The following PPM1H variants were observed in gnomAD, a reference collection of about 807,000 sequenced individuals.
The protein encoded by PPM1H is protein phosphatase, Mg2+/Mn2+ dependent 1H.
A neutral mutation model predicts 54.9 loss-of-function variants in PPM1H; 27 were observed. The ratio of observed to expected loss-of-function variants is 0.49; its 90% CI spans 0.36 to 0.68. The LOEUF (loss-of-function observed/expected upper bound fraction) is 0.68, where lower values mean the gene tolerates loss of function less well. Ranked by LOEUF, PPM1H falls within the 30% of genes least tolerant of loss-of-function variation. PPM1H has a pLI of 0.00. For synonymous variants in PPM1H, 305 were observed against 270.8 expected (o/e 1.13, Z -1.24); for missense variants, 596 against 667.8 (o/e 0.89, Z 1.19).
chr12:62,831,470 G>A (rs1868355876), intron 2 of PPM1H, among the ~76,000 whole-genome samples: 3 of 152,034 alleles, frequency 2.0e-5, no homozygotes, highest in Admixed American at 2.0e-4. Context: ...CAGTCTGCAA[G>A]GCCACCCCAT....
chr12:62,888,450 G>A (rs576242303), intron 1 of PPM1H, among the ~76,000 whole-genome samples: 10 of 152,184 alleles, frequency 6.6e-5, no homozygotes, highest in South Asian at 2.1e-4. Flanking sequence ...GACTGGAACC[G>A]AGAAACAAGC....
At chr12:62,665,314 G>T (rs2075911680) in intron 9 of PPM1H, among the ~76,000 whole-genome samples, 1 of 152,186 alleles carries the variant, frequency 6.6e-6, no homozygotes. Flanking sequence ...CTCCCAAAGT[G>T]CTGGGATTAC....
At chr12:62,688,475 ATACTATCGGT>A (rs1304291614) in intron 8 of PPM1H, among the ~76,000 whole-genome samples, 1 of 152,246 alleles carries the variant, frequency 6.6e-6, no homozygotes, top group Non-Finnish European at 1.5e-5. Context: ...CACCAACCTA[ATACTATCGGT>A]TAGACTTTTC....
At chr12:62,922,949 G>A (rs181969593) in intron 1 of PPM1H, among the ~76,000 whole-genome samples, 1 of 152,196 alleles carries the variant, frequency 6.6e-6, no homozygotes, top group African/African-American at 2.4e-5. Flanking sequence ...TTAATTAAAT[G>A]GGAGCATAGC....
chr12:62,693,509 T>C (rs2076094980), intron 7 of PPM1H, among the ~76,000 whole-genome samples: 1 of 152,190 alleles, frequency 6.6e-6, no homozygotes, highest in Non-Finnish European at 1.5e-5. Context: ...TGCCCCTCGC[T>C]TGGCTGCGTG....
intron 5 of PPM1H, among the ~76,000 whole-genome samples, chr12:62,730,569 A>G (rs893826637): frequency 3.3e-5 from 5 of 152,230 alleles, no homozygotes; most frequent in Admixed American, 1.3e-4. Context: ...AAACTTATAC[A>G]TTAATTAATT....
intron 1 of PPM1H, among the ~76,000 whole-genome samples, chr12:62,865,436 G>A (rs551784599): frequency 3.3e-5 from 5 of 152,248 alleles, no homozygotes; most frequent in African/African-American, 1.2e-4. Context: ...TCAGCTCCTA[G>A]TTTTGACCTC....
chr12:62,791,124 T>A (rs2076699047), intron 3 of PPM1H, among the ~76,000 whole-genome samples: 2 of 152,162 alleles, frequency 1.3e-5, no homozygotes, highest in Non-Finnish European at 2.9e-5. Flanking sequence ...TGCCTTAATA[T>A]GAAAAATGGA....
chr12:62,662,890 G>T (rs1332073730), intron 9 of PPM1H, among the ~76,000 whole-genome samples: 3 of 151,958 alleles, frequency 2.0e-5, no homozygotes, highest in Non-Finnish European at 4.4e-5. Flanking sequence ...TTGAATTTTG[G>T]GCCAATTTTC....
At chr12:62,802,537 C>T (rs1213806809) in intron 2 of PPM1H, among the ~76,000 whole-genome samples, 1 of 151,144 alleles carries the variant, frequency 6.6e-6, no homozygotes, top group Non-Finnish European at 1.5e-5. Context: ...CTGTACGAGT[C>T]CAGCTTGAAC....
intron 9 of PPM1H, among the ~76,000 whole-genome samples, chr12:62,649,922 A>G (rs1422269435): frequency 6.6e-6 from 1 of 152,198 alleles, no homozygotes; most frequent in African/African-American, 2.4e-5. Flanking sequence ...TAAATCATCA[A>G]GATAATAAAT....
intron 5 of PPM1H, among the ~76,000 whole-genome samples, chr12:62,732,523 A>G (rs954059073): frequency 6.6e-6 from 1 of 151,998 alleles, no homozygotes; most frequent in Non-Finnish European, 1.5e-5. Flanking sequence ...GGGACTGCAG[A>G]CATCTGCTCA....
intron 6 of PPM1H, among the ~76,000 whole-genome samples, chr12:62,701,601 C>G (rs17733673): frequency 0.074 from 11,199 of 152,224 alleles, 517 homozygotes; most frequent in Non-Finnish European, 0.11. Context: ...ATGATGAGGC[C>G]CTCCATGATC....
Position 62,648,296 on chromosome 12 carries a change from T to C in PPM1H, c.*193A>G, listed in dbSNP as rs1214144508. On this transcript the variant is annotated 3_prime_UTR_variant, in exon 10 of 10. Coordinates refer to ENST00000228705, the MANE Select transcript of PPM1H (RefSeq NM_020700.2). Reference sequence around the variant, plus strand: ...GCCTTTGTGTTTTGCTCTTGTTGAGTTGACCTGTTACTAAAGAAGAAATGG... The same window carrying C: ...GCCTTTGTGTTTTGCTCTTGTTGAGCTGACCTGTTACTAAAGAAGAAATGG... The C allele has an allele frequency of 1.3e-5, 8 of 629,912 alleles. No individual in the cohort carries two copies. Among genetic ancestry groups the C allele is most frequent in the South Asian group, 2.3e-5 (1 of 44,432 alleles). The allele number at this position is 629,912 out of a possible 1,614,324, so 39.0% of individuals were successfully genotyped here.
chr12:62,700,835 T>C (rs1031762141), intron 6 of PPM1H, among the ~76,000 whole-genome samples: 2 of 152,226 alleles, frequency 1.3e-5, no homozygotes, highest in Non-Finnish European at 2.9e-5. Flanking sequence ...GGTTTTCTAT[T>C]GCGATCTAAA....
chr12:62,785,847 C>T (rs895405977), intron 4 of PPM1H, among the ~76,000 whole-genome samples: 82 of 134,772 alleles, frequency 6.1e-4, no homozygotes, highest in African/African-American at 1.7e-3. Context: ...AAGGAAACTA[C>T]GTTTAAAAAT....
intron 2 of PPM1H, 82 bp from the exon 3 acceptor site, chr12:62,802,242 G>C: frequency 8.9e-7 from 1 of 1,128,828 alleles, no homozygotes; most frequent in African/African-American, 1.6e-5. Flanking sequence ...ACATCTATGG[G>C]ACTGAGGGTC....
At chr12:62,816,713 A>C (rs975296536) in intron 2 of PPM1H, among the ~76,000 whole-genome samples, 1 of 151,980 alleles carries the variant, frequency 6.6e-6, no homozygotes, top group Non-Finnish European at 1.5e-5. Context: ...ACGAGTGCTG[A>C]GTATTATTTA....
At chr12:62,891,307 T>A (rs1870789375) in intron 1 of PPM1H, among the ~76,000 whole-genome samples, 1 of 152,108 alleles carries the variant, frequency 6.6e-6, no homozygotes, top group Admixed American at 6.5e-5. Flanking sequence ...CCTGGTACAT[T>A]TATCCAGTCT....
Sources: allele counts gnomAD v4.1 joint callset (sites outside exome capture counted in the v4.1 genomes callset), GRCh38; gene constraint gnomAD v4.1.1; transcripts MANE v1.5; gene names NCBI Gene and HGNC (gene_info 2026-07-23, HGNC 2026-07-21).